The following YLPM1 variants were observed in gnomAD, a reference collection of about 807,000 sequenced individuals.
YLPM1 encodes the protein YLP motif-containing protein 1.
YLPM1 carries 99 observed loss-of-function variants against 230.0 expected under a neutral mutation model. The ratio of observed to expected loss-of-function variants is 0.43; its 90% confidence interval spans 0.37 to 0.51. The LOEUF (loss-of-function observed/expected upper bound fraction) is 0.51, where lower values mean the gene tolerates loss of function less well. YLPM1 is among the 20% of genes least tolerant of loss of function. The probability of loss-of-function intolerance (pLI) is 0.00; values close to 1 mark genes in which losing one functional copy is unlikely to be tolerated. For synonymous variants in YLPM1, 984 were observed against 942.5 expected (o/e 1.04, Z -0.81); for missense variants, 2,592 against 2,707.7 (o/e 0.96, Z 0.95).
chr14:74,808,686 C>T (rs1032310528), intron 6 of YLPM1, among the ~76,000 whole-genome samples: 1 of 151,862 alleles, frequency 6.6e-6, no homozygotes, highest in African/African-American at 2.4e-5. Context: ...TGCCTGTAAT[C>T]CCAGTTACTC....
At chr14:74,769,251 AT>A (rs2090947722) in intron 1 of YLPM1, among the ~76,000 whole-genome samples, 1 of 17,804 alleles carries the variant, frequency 5.6e-5, no homozygotes, top group Non-Finnish European at 1.4e-4. Flanking sequence ...ATTTTTTTGT[AT>A]TTTTATCTTT....
chr14:74,781,233 T>C, intron 3 of YLPM1, 101 bp from the exon 4 acceptor site: 1 of 1,312,326 alleles, frequency 7.6e-7, no homozygotes, highest in Non-Finnish European at 1.0e-6. Context: ...AGTGTTCTAA[T>C]TTCCTAAAGC....
At chr14:74,811,518 C>A in intron 9 of YLPM1, 102 bp from the exon 10 acceptor site, 2 of 771,546 alleles carry the variant, frequency 2.6e-6, no homozygotes, top group Non-Finnish European at 4.2e-6. Flanking sequence ...GTGTGGAGTA[C>A]CTTCCTATAG....
At position 74,798,011 on chromosome 14, in the gene YLPM1, C is replaced by G. The variant is rs918147054; in HGVS notation, c.2714C>G (p.Ser905Cys). The G allele has an allele frequency of 6.2e-7, 1 of 1,613,572 alleles. No homozygotes were observed. Among genetic ancestry groups the G allele is most frequent in the Non-Finnish European group, 8.5e-7 (1 of 1,179,758 alleles). The change falls in exon 5 of 21, where the codon TCT becomes TGT. Residue 905 changes from serine (S) to cysteine (C), a missense_variant. By Grantham distance (112) the Ser-to-Cys change is moderately radical. Transcript: ENST00000325680. ...AAQSNENLSD[S>C]QQEPPKSEVS... ...CAGTCAAATGAGAATCTAAGCGACT[C>G]TCAACAAGAGCCACCTAAAAGTGAA... is the stretch of plus-strand genomic sequence containing the variant.
At chr14:74,822,358 A>G (rs1040321648) in intron 17 of YLPM1, among the ~76,000 whole-genome samples, 3 of 152,136 alleles carry the variant, frequency 2.0e-5, no homozygotes, top group African/African-American at 7.2e-5. Flanking sequence ...GTGGTTCATA[A>G]CATCTGACTT....
chr14:74,799,402 G>T lies in YLPM1; in HGVS notation c.4105G>T (p.Gly1369Cys), dbSNP rs1473679561. ...HGYDRDFRDR[G>C]ELRIREYPER... ...GTATGATCGAGATTTCCGTGATAGG[G>T]GTGAGTTGAGGATTCGAGAGTATCC... Residue 1369 changes from glycine (G) to cysteine (C), a missense_variant, in exon 5 of 21, where the codon GGT becomes TGT. This residue lies in a region of YLPM1 where 1,862 missense variants were observed against 1,819.8 expected (regional missense o/e 1.02). Transcript: ENST00000325680. 6.2e-7 allele frequency: 1 copy of T among 1,614,026 alleles called. No homozygotes were observed. The highest frequency in any genetic ancestry group is 1.6e-4 in the Middle Eastern group (1 of 6,062).
intron 11 of YLPM1, 110 bp from the exon 12 acceptor site, chr14:74,816,093 C>A: frequency 1.2e-6 from 1 of 869,278 alleles, no homozygotes; most frequent in Non-Finnish European, 1.7e-6. Flanking sequence ...TGTTTCATGG[C>A]CTGTTGTATA....
At chr14:74,767,593 C>G (rs1051800719) in intron 1 of YLPM1, among the ~76,000 whole-genome samples, 2 of 152,164 alleles carry the variant, frequency 1.3e-5, no homozygotes, top group African/African-American at 4.8e-5. Context: ...AGCCCCCAGT[C>G]CGACAACCAA....
chr14:74,782,039 C>T lies in YLPM1; in HGVS notation c.1996C>T (p.Pro666Ser), dbSNP rs774827649. ...ACAGAGCTCGCAAGTTCCAGAGAAA[C>T]CTAGACCAGCACTGCTTCCTACTCC... ...SSQSSQVPEKPRPALLPTPVS... is the reference protein window; with the variant it reads ...SSQSSQVPEKSRPALLPTPVS... The change falls in exon 4 of 21, where the codon CCT (proline) becomes TCT (serine). Residue 666 changes from proline to serine, a missense_variant. This residue lies in a region of YLPM1 where 1,862 missense variants were observed against 1,819.8 expected (regional missense o/e 1.02). Coordinates refer to ENST00000325680, the MANE Select transcript of YLPM1 (RefSeq NM_019589.3). The T allele has an allele frequency of 1.2e-6, 2 of 1,613,924 alleles. No individual in the cohort carries two copies. Among genetic ancestry groups the T allele is most frequent in the African/African-American group, 1.3e-5 (1 of 74,938 alleles).
intron 4 of YLPM1, among the ~76,000 whole-genome samples, chr14:74,786,779 T>G (rs895549784): frequency 2.0e-5 from 3 of 152,196 alleles, no homozygotes; most frequent in African/African-American, 2.4e-5. Context: ...ATGTATGTGT[T>G]TGTTTGTGTG....
Position 74,798,573 on chromosome 14 carries a change from A to G in YLPM1, c.3276A>G (p.Lys1092=), listed in dbSNP as rs751762455. 19 of 1,613,812 alleles carry G rather than the reference A, an allele frequency of 1.2e-5. No homozygotes were observed. The highest frequency in any genetic ancestry group is 1.5e-5 in the Non-Finnish European group (18 of 1,179,836). Residue 1092 remains lysine (K), a synonymous_variant, in exon 5 of 21, where the codon AAA becomes AAG. Transcript: ENST00000325680. ...GLVRPGSSRE[K]VPGGLQGSQD... is the part of the protein sequence containing the mutation. ...TGAGGCCTGGAAGCAGTCGGGAGAA[A>G]GTGCCAGGTGGTCTTCAAGGGAGCC...
rs1159365856 is a variant in YLPM1 at position 74,818,317 on chromosome 14, G to A, written c.6030+3G>A. 6.3e-7 allele frequency: 1 copy of A among 1,592,238 alleles called. No individual in the cohort carries two copies. The highest frequency in any genetic ancestry group is 8.6e-7 in the Non-Finnish European group (1 of 1,169,294). On this transcript the variant is annotated splice_donor_region_variant and intron_variant, in intron 16 of 20. Transcript: ENST00000325680. Reference sequence around the variant, plus strand: ...TGCAAGATGCTGCTATTGAAGAGGTGAGTATCCTTTGGTTCAAATGCAATG... The same window carrying A: ...TGCAAGATGCTGCTATTGAAGAGGTAAGTATCCTTTGGTTCAAATGCAATG...
Position 74,763,971 on chromosome 14 carries a change from C to T in YLPM1, c.482C>T (p.Ser161Phe). 3 of 1,429,530 alleles carry T rather than the reference C, an allele frequency of 2.1e-6. No homozygotes were observed. Among genetic ancestry groups the T allele is most frequent in the East Asian group, 3.2e-5 (1 of 30,952 alleles). 88.6% of individuals were successfully genotyped at this position (1,429,530 alleles called of 1,614,324 possible). ...PVPPGSYMPP[S>F]QSYMPPPQPP... ...CCGCCTGGGTCCTATATGCCCCCAT[C>T]TCAGTCTTACATGCCCCCACCTCAG... is the stretch of plus-strand genomic sequence containing the variant. The change falls in exon 1 of 21, where the codon TCT (serine) becomes TTT (phenylalanine). Residue 161 changes from serine to phenylalanine, a missense_variant. Physicochemically the swap from Ser to Phe is radical, Grantham distance 155. Around this residue, in one of 4 missense-constraint regions of YLPM1, gnomAD observed 1,862 missense variants for 1,819.8 expected, o/e 1.02. Transcript: ENST00000325680.
At chr14:74,828,134 C>A (rs1466236942) in intron 18 of YLPM1, 1 of 432,786 alleles carries the variant, frequency 2.3e-6, no homozygotes, top group South Asian at 9.7e-5. Flanking sequence ...CGTAAACTCA[C>A]CCTTTCTGCC....
chr14:74,794,506 G>C (rs1179610941), intron 4 of YLPM1, among the ~76,000 whole-genome samples: 1 of 152,140 alleles, frequency 6.6e-6, no homozygotes, highest in Non-Finnish European at 1.5e-5. Context: ...TTTCTGATTA[G>C]GTTGGGTCAC....
At chr14:74,814,753 A>G (rs1440995289) in intron 11 of YLPM1, among the ~76,000 whole-genome samples, 1 of 152,220 alleles carries the variant, frequency 6.6e-6, no homozygotes, top group Non-Finnish European at 1.5e-5. Context: ...AAAGTAAGTT[A>G]GAAATTATTC....
Position 74,800,282 on chromosome 14 carries a change from T to A in YLPM1, c.4400+585T>A, listed in dbSNP as rs1032282258. Among the ~76,000 whole-genome samples the A allele has an allele frequency of 2.6e-5, 4 of 152,238 alleles. No individual in the cohort carries two copies. The East Asian group carries it at 7.7e-4, about 29-fold the overall frequency. ...GTTTCTACATAACCAAATGTTTTCT[T>A]TGTGAAATGGAAAATAGGATTTCTT... is the stretch of plus-strand genomic sequence containing the variant. On this transcript the variant is annotated intron_variant, in intron 5 of 20. Coordinates refer to ENST00000325680, the MANE Select transcript of YLPM1 (RefSeq NM_019589.3).
chr14:74,781,296 T>C (rs924493248), intron 3 of YLPM1, 38 bp from the exon 4 acceptor site: 5 of 1,475,038 alleles, frequency 3.4e-6, no homozygotes, highest in South Asian at 1.4e-5. Context: ...TTATCTTATA[T>C]GAATGGTTTT....
chr14:74,816,349 T>C, intron 12 of YLPM1, 84 bp downstream of exon 12: 1 of 1,410,676 alleles, frequency 7.1e-7, no homozygotes, highest in Non-Finnish European at 9.8e-7. Flanking sequence ...GCAAGCAACA[T>C]AATGCCAATA....
Sources: gnomAD v4.1 joint callset for allele counts (sites outside exome capture counted in the v4.1 genomes callset) on GRCh38, gnomAD v4.1.1 for gene constraint, gnomAD v4.1.1 regional missense constraint, MANE v1.5 for transcripts, NCBI Gene and HGNC (gene_info 2026-07-23, HGNC 2026-07-21) for gene names.